KIRREL3: variants seen among roughly 807,000 people sequenced by gnomAD.
The protein encoded by KIRREL3 is kirre like nephrin family adhesion molecule 3.
In KIRREL3, 36 loss-of-function variants were observed where a neutral mutation model predicts 89.7. The observed-to-expected ratio is 0.40, with a 90% CI of 0.31 to 0.53. The LOEUF (loss-of-function observed/expected upper bound fraction) is 0.53. Among genes scored for constraint, KIRREL3 ranks in the 20% least tolerant of loss-of-function variants. KIRREL3 has a pLI of 0.49. For missense variants in KIRREL3, 864 were observed against 1,056.6 expected (o/e 0.82, Z 2.53); for synonymous variants, 445 against 441.4 (o/e 1.01, Z -0.10).
Position 126,694,569 on chromosome 11 carries a change from G to A in KIRREL3, c.56-131657C>T, listed in dbSNP as rs184969761. ...GGGCAGGTTTGGGGGTGCTGACTAG[G>A]CCTTCACACAAAGAGGAATCTGCTC... On this transcript the variant is annotated intron_variant, in intron 1 of 16. Coordinates refer to ENST00000525144, the MANE Select transcript of KIRREL3 (RefSeq NM_032531.4). This position sits in a 1 kb window ranked among gnomAD's most constrained non-coding sequence, Gnocchi z 4.4. Among the ~76,000 whole-genome samples, 2 of 152,160 alleles carry A rather than the reference G, an allele frequency of 1.3e-5. No homozygotes were observed. The highest frequency in any genetic ancestry group is 2.4e-5 in the African/African-American group (1 of 41,426).
rs1442573560 is a variant in KIRREL3, at chr11:126,890,507, T to G, written c.55+109948A>C. ...CTGCTCAATTTTCAACAGGATCTCATCAAGCACTTTGCCATTTAATGGTGA... is the reference window on the plus strand; with the variant it reads ...CTGCTCAATTTTCAACAGGATCTCAGCAAGCACTTTGCCATTTAATGGTGA... On this transcript the variant is annotated intron_variant, in intron 1 of 16. Transcript: ENST00000525144. This position sits in a 1 kb window ranked among gnomAD's most constrained non-coding sequence, Gnocchi z 5.1. 6.6e-6 allele frequency among the ~76,000 whole-genome samples: 1 copy of G among 152,226 alleles called. No individual in the cohort carries two copies. The highest frequency in any genetic ancestry group is 1.5e-5 in the Non-Finnish European group (1 of 68,032).
At chr11:126,448,512 C>T (rs1955911187) in intron 8 of KIRREL3, among the ~76,000 whole-genome samples, 1 of 152,144 alleles carries the variant, frequency 6.6e-6, no homozygotes, top group African/African-American at 2.4e-5. Flanking sequence ...GTCAACCCTG[C>T]AATTCGTAAA....
intron 1 of KIRREL3, among the ~76,000 whole-genome samples, chr11:126,839,439 A>G (rs1592204354): frequency 6.6e-6 from 1 of 152,242 alleles, no homozygotes; most frequent in Non-Finnish European, 1.5e-5. Context: ...GGGCATTGAA[A>G]AGTTGTGTTT....
At position 126,996,849 on chromosome 11, in the gene KIRREL3, G is replaced by A. The variant is rs1469758534; in HGVS notation, c.55+3606C>T. On this transcript the variant is annotated intron_variant, in intron 1 of 16. Coordinates refer to ENST00000525144, the MANE Select transcript of KIRREL3 (RefSeq NM_032531.4). This position sits in a 1 kb window ranked among gnomAD's most constrained non-coding sequence, Gnocchi z 4.7. ...GTGTGCATGCAAAGCCAAAAGATCT[G>A]GGTTCAGCAGAATTAGAACCTTCAC... Among the ~76,000 whole-genome samples, 2 of 152,168 alleles carry A rather than the reference G, an allele frequency of 1.3e-5. No homozygotes were observed. The highest frequency in any genetic ancestry group is 4.8e-5 in the African/African-American group (2 of 41,430).
In KIRREL3 at chr11:126,991,862, G is replaced by A. The variant is rs972521375; in HGVS notation, c.55+8593C>T. On this transcript the variant is annotated intron_variant, in intron 1 of 16. Coordinates refer to ENST00000525144, the MANE Select transcript of KIRREL3 (RefSeq NM_032531.4). The surrounding 1 kb of genome is among the most constrained non-coding windows in gnomAD (Gnocchi z 5.8). The stretch of plus-strand genomic sequence containing the variant: ...TAGTGTTGATGTGGAACAGCTGGAT[G>A]TACCAGCATCTTGAGGAACATCAAG... Among the ~76,000 whole-genome samples, 1 of 152,196 alleles carries A rather than the reference G, an allele frequency of 6.6e-6. No individual in the cohort carries two copies. Among genetic ancestry groups the A allele is most frequent in the African/African-American group, 2.4e-5 (1 of 41,440 alleles).
intron 1 of KIRREL3, chr11:126,936,705 CA>C (rs1948204919): frequency 6.6e-6 from 1 of 152,024 alleles, no homozygotes; most frequent in Non-Finnish European, 1.5e-5. Context: ...CCAGAAAAGA[CA>C]AATCTCTAGC....
At chr11:126,975,898 CCCTCCCTTCCTCCCTCCCTT>C (rs796316146) in intron 1 of KIRREL3, among the ~76,000 whole-genome samples, 9,116 of 104,666 alleles carry the variant, frequency 0.087, 447 homozygotes, top group East Asian at 0.22. Flanking sequence ...CTCCCTCCCT[CCCTCCCTTCCTCCCTCCCTT>C]CCTCCCTCCC....
At chr11:126,464,756 T>C (rs1001504978) in intron 5 of KIRREL3, among the ~76,000 whole-genome samples, 2 of 152,130 alleles carry the variant, frequency 1.3e-5, no homozygotes, top group African/African-American at 4.8e-5. Context: ...CCCTGGAGCC[T>C]TTGGAGGGGC....
In KIRREL3 at chr11:126,768,182, C is replaced by CA. The variant is rs373031479; in HGVS notation, c.56-205271dup. On this transcript the variant is annotated intron_variant, in intron 1 of 16. Transcript: ENST00000525144. This position sits in a 1 kb window ranked among gnomAD's most constrained non-coding sequence, Gnocchi z 4.5. ...CATCCATCCATCCAATCCATCCATC[C>CA]ATCCATCCATCCATCCATCCATCCA... 1.6e-5 allele frequency among the ~76,000 whole-genome samples: 2 copies of CA among 123,812 alleles called. No individual in the cohort carries two copies. The highest frequency in any genetic ancestry group is 3.0e-4 in the South Asian group (1 of 3,350). The allele number at this position is 123,812 out of a possible 152,430, so 81.2% of individuals were successfully genotyped here.
At position 126,883,192 on chromosome 11, in the gene KIRREL3, G is replaced by GAT. The variant is rs758708106; in HGVS notation, c.55+117262_55+117263insAT. On this transcript the variant is annotated intron_variant, in intron 1 of 16. Transcript: ENST00000525144. The surrounding 1 kb of genome is among the most constrained non-coding windows in gnomAD (Gnocchi z 4.1). ...AGCCTAACTCCTTGGCAGCTGAGCA[G>GAT]GAGACAGGAGGATCATCATCTGCTA... Among the ~76,000 whole-genome samples, 481 of 152,300 alleles carry GAT rather than the reference G, an allele frequency of 3.2e-3. 1 individual carries two copies. Among genetic ancestry groups the GAT allele is most frequent in the Non-Finnish European group, 5.6e-3 (384 of 68,014 alleles).
In KIRREL3 at chr11:126,432,858, C is replaced by A. The variant is rs1434564127; in HGVS notation, c.1589-1332G>T. 6.6e-6 allele frequency among the ~76,000 whole-genome samples: 1 copy of A among 152,096 alleles called. No individual in the cohort carries two copies. Among genetic ancestry groups the A allele is most frequent in the Non-Finnish European group, 1.5e-5 (1 of 68,026 alleles). ...TTTGGTGTTTGCTGTTGTTGTTACC[C>A]AGGAAGGGGTCACCAGCAGTTCACG... is the stretch of plus-strand genomic sequence containing the variant. On this transcript the variant is annotated intron_variant, in intron 13 of 16. Coordinates refer to ENST00000525144, the MANE Select transcript of KIRREL3 (RefSeq NM_032531.4). This position sits in a 1 kb window ranked among gnomAD's most constrained non-coding sequence, Gnocchi z 6.2.
intron 13 of KIRREL3, among the ~76,000 whole-genome samples, chr11:126,434,302 A>G (rs1417490462): frequency 6.6e-6 from 1 of 152,206 alleles, no homozygotes; most frequent in Admixed American, 6.5e-5. Flanking sequence ...GGAGCTCTGG[A>G]TGAGTGTCAG....
chr11:126,749,644 TAA>T (rs5795519), intron 1 of KIRREL3, among the ~76,000 whole-genome samples: 7 of 148,668 alleles, frequency 4.7e-5, no homozygotes, highest in South Asian at 2.1e-4. Flanking sequence ...AAGTCCCTCT[TAA>T]AAAAAAAAAG....
chr11:126,646,940 C>T (rs369520205), intron 1 of KIRREL3, among the ~76,000 whole-genome samples: 4 of 152,172 alleles, frequency 2.6e-5, no homozygotes, highest in East Asian at 3.9e-4. Flanking sequence ...GTTGCACCAC[C>T]GATGAGCCAA....
intron 1 of KIRREL3, among the ~76,000 whole-genome samples, chr11:126,613,516 C>G (rs1943216849): frequency 3.3e-5 from 5 of 152,172 alleles, no homozygotes; most frequent in Admixed American, 3.3e-4. Flanking sequence ...TGGACACGTG[C>G]TTTCCCCTGC....
chr11:126,796,619 G>A lies in KIRREL3; in HGVS notation c.55+203836C>T. On this transcript the variant is annotated intron_variant, in intron 1 of 16. Transcript: ENST00000525144. This position sits in a 1 kb window ranked among gnomAD's most constrained non-coding sequence, Gnocchi z 5.1. ...AATGTTGGCACAAGTGCCCTCTTAT[G>A]TTAAGCATTGCCCCCAACCCTGCTT... Among the ~76,000 whole-genome samples, 1 of 152,148 alleles carries A rather than the reference G, an allele frequency of 6.6e-6. No homozygotes were observed. The highest frequency in any genetic ancestry group is 1.9e-4 in the East Asian group (1 of 5,204).
In KIRREL3 at chr11:126,614,196, T is replaced by C. The variant is rs1356899058; in HGVS notation, c.56-51284A>G. Among the ~76,000 whole-genome samples, 1 of 152,074 alleles carries C rather than the reference T, an allele frequency of 6.6e-6. No individual in the cohort carries two copies. The highest frequency in any genetic ancestry group is 1.5e-5 in the Non-Finnish European group (1 of 68,002). Reference sequence around the variant, plus strand: ...CGCTTTAAGGGTTGGAAAAGTTCGATCTATTGTCGATTTCTCTATGGTATC... The same window carrying C: ...CGCTTTAAGGGTTGGAAAAGTTCGACCTATTGTCGATTTCTCTATGGTATC... On this transcript the variant is annotated intron_variant, in intron 1 of 16. Coordinates refer to ENST00000525144, the MANE Select transcript of KIRREL3 (RefSeq NM_032531.4). This position sits in a 1 kb window ranked among gnomAD's most constrained non-coding sequence, Gnocchi z 4.6.
chr11:126,508,593 T>A lies in KIRREL3; in HGVS notation c.433+12722A>T, dbSNP rs6590213. Reference sequence around the variant, plus strand: ...TCCCAGGGGCTAGGAAGAAACCTGTTTCATAGTGATGATTTTAGGGGGAGT... The same window carrying A: ...TCCCAGGGGCTAGGAAGAAACCTGTATCATAGTGATGATTTTAGGGGGAGT... On this transcript the variant is annotated intron_variant, in intron 4 of 16. Coordinates refer to ENST00000525144, the MANE Select transcript of KIRREL3 (RefSeq NM_032531.4). This position sits in a 1 kb window ranked among gnomAD's most constrained non-coding sequence, Gnocchi z 4.9. 0.44 allele frequency among the ~76,000 whole-genome samples: 66,732 copies of A among 151,954 alleles called. 17,481 individuals are homozygous for A. Among genetic ancestry groups the A allele is most frequent in the African/African-American group, 0.73 (30,276 of 41,412 alleles).
At position 126,642,225 on chromosome 11, in the gene KIRREL3, A is replaced by T. The variant is rs973109744; in HGVS notation, c.56-79313T>A. Among the ~76,000 whole-genome samples, 4 of 152,114 alleles carry T rather than the reference A, an allele frequency of 2.6e-5. No homozygotes were observed. Among genetic ancestry groups the T allele is most frequent in the African/African-American group, 9.7e-5 (4 of 41,410 alleles). On this transcript the variant is annotated intron_variant, in intron 1 of 16. Coordinates refer to ENST00000525144, the MANE Select transcript of KIRREL3 (RefSeq NM_032531.4). This position sits in a 1 kb window ranked among gnomAD's most constrained non-coding sequence, Gnocchi z 4.9. ...CCTGCCTTCTAGTCCAAACTTCAAA[A>T]TCCTTCCTGCACTGGTCTCATTGGG...
Sources: allele counts gnomAD v4.1 joint callset (sites outside exome capture counted in the v4.1 genomes callset), GRCh38; gene constraint gnomAD v4.1.1; non-coding constraint Gnocchi (gnomAD v3.1); transcripts MANE v1.5; gene names NCBI Gene and HGNC (gene_info 2026-07-23, HGNC 2026-07-21).